Variants in WNT4 observed in about 807,000 individuals in gnomAD.
WNT4 encodes Wnt family member 4, also known as protein Wnt-4.
Under a neutral mutation model 34.5 loss-of-function variants are expected in WNT4, and 16 were observed. The observed-to-expected ratio is 0.46, with a 90% CI of 0.31 to 0.70. The LOEUF (loss-of-function observed/expected upper bound fraction) is 0.70, where lower values mean the gene tolerates loss of function less well. Among genes scored for constraint, WNT4 ranks in the 30% least tolerant of loss-of-function variants. The pLI is 0.04. For synonymous variants in WNT4, 200 were observed against 211.9 expected, an observed-to-expected ratio of 0.94 and a Z score of 0.49; for missense variants, 379 against 495.9, an observed-to-expected ratio of 0.76 and a Z score of 2.24.
Position 22,142,706 on chromosome 1 carries a change from A to G in WNT4, c.77+140T>C. On this transcript the variant is annotated intron_variant, in intron 1 of 4. Coordinates refer to ENST00000290167, the MANE Select transcript of WNT4 (RefSeq NM_030761.5). The surrounding 1 kb of genome is among the most constrained non-coding windows in gnomAD (Gnocchi z 6.0). ...GTTCGGGCCGTGGCGGCGGCAGCGG[A>G]GCGAGCGAGCCTCCGGTCCCGCGGC... 4.0e-6 allele frequency: 2 copies of G among 503,420 alleles called. No individual in the cohort carries two copies. The highest frequency in any genetic ancestry group is 5.1e-6 in the Non-Finnish European group (2 of 390,276). 31.2% of individuals were successfully genotyped at this position (503,420 alleles called of 1,614,324 possible).
rs1646084093 is a variant in WNT4 at position 22,142,958 on chromosome 1, T to C, written c.-36A>G. The C allele has an allele frequency of 2.0e-6, 2 of 1,019,324 alleles. No individual in the cohort carries two copies. 63.1% of individuals were successfully genotyped at this position (1,019,324 alleles called of 1,614,324 possible). A position where few individuals can be genotyped will look rare whatever the true frequency, so the allele number is the denominator to read the frequency against. On this transcript the variant is annotated 5_prime_UTR_variant, in exon 1 of 5. Transcript: ENST00000290167. This position sits in a 1 kb window ranked among gnomAD's most constrained non-coding sequence, Gnocchi z 6.0. The stretch of plus-strand genomic sequence containing the variant: ...CGGGCGCCCGGCCCGGGGCAGCGGC[T>C]GCGGCCGCGGGGGGCCTCCCGTCGG...
chr1:22,129,944 T>C, intron 1 of WNT4, 93 bp from the exon 2 acceptor site: 1 of 1,439,660 alleles, frequency 6.9e-7, no homozygotes, highest in Non-Finnish European at 9.7e-7. Flanking sequence ...CTCTGGGAAC[T>C]GACTCGTCCC....
intron 1 of WNT4, among the ~76,000 whole-genome samples, chr1:22,135,869 A>G (rs1646018146): frequency 6.6e-6 from 1 of 152,108 alleles, no homozygotes. Context: ...CTCCACCGCC[A>G]GTGCACACCA....
chr1:22,132,633 C>T (rs1356421466), intron 1 of WNT4, among the ~76,000 whole-genome samples: 1 of 152,188 alleles, frequency 6.6e-6, no homozygotes, highest in East Asian at 1.9e-4. Flanking sequence ...ATCCCCCCAC[C>T]CAGGCTCAGA....
chr1:22,118,868 G>C lies in WNT4; in HGVS notation c.*1182C>G, dbSNP rs1194282455. ...ATCCAGCTTGCTGTGAGAGGTCTGG[G>C]GAGCACTGCCGTCTCTGATGTCAGA... On this transcript the variant is annotated 3_prime_UTR_variant, in exon 5 of 5. Coordinates refer to ENST00000290167, the MANE Select transcript of WNT4 (RefSeq NM_030761.5). 6.6e-6 allele frequency: 1 copy of C among 152,334 alleles called. No homozygotes were observed. Among genetic ancestry groups the C allele is most frequent in the African/African-American group, 2.4e-5 (1 of 41,456 alleles). The allele number at this position is 152,334 out of a possible 1,614,324, so 9.4% of individuals were successfully genotyped here.
intron 1 of WNT4, among the ~76,000 whole-genome samples, chr1:22,131,822 C>G (rs1645985992): frequency 6.6e-6 from 1 of 152,230 alleles, no homozygotes; most frequent in Non-Finnish European, 1.5e-5. Flanking sequence ...AGGGGCCTCC[C>G]CGCCCCTCCT....
In WNT4 at chr1:22,120,055, G is replaced by T; in HGVS notation, c.1051C>A (p.Arg351=). 1 of 1,607,200 alleles carries T rather than the reference G, an allele frequency of 6.2e-7. No homozygotes were observed. The change falls in exon 5 of 5, where the codon CGA becomes AGA. Residue 351 remains arginine, a synonymous_variant. Transcript: ENST00000290167. ...GCGCAGGGCTAGGCAGGCGGTCATC[G>T]GCACGTGTGCAACTCCACGAGCCGC... ...CQRLVELHTC[R] is the part of the protein sequence containing the mutation.
At chr1:22,136,415 G>A (rs1309524625) in intron 1 of WNT4, among the ~76,000 whole-genome samples, 4 of 152,206 alleles carry the variant, frequency 2.6e-5, no homozygotes, top group East Asian at 1.9e-4. Flanking sequence ...TGGGGAAAGA[G>A]GAGGGACAGG....
At position 22,139,092 on chromosome 1, in the gene WNT4, G is replaced by T. The variant is rs1031332573; in HGVS notation, c.77+3754C>A. The stretch of plus-strand genomic sequence containing the variant: ...TGCGGGGGCCCTTGTTGAGCAAGGG[G>T]GTTGCAGCCTAGGATCCTACCTGTG... On this transcript the variant is annotated intron_variant, in intron 1 of 4. Coordinates refer to ENST00000290167, the MANE Select transcript of WNT4 (RefSeq NM_030761.5). The surrounding 1 kb of genome is among the most constrained non-coding windows in gnomAD (Gnocchi z 4.6). Among the ~76,000 whole-genome samples, 6 of 152,188 alleles carry T rather than the reference G, an allele frequency of 3.9e-5. No homozygotes were observed. Among genetic ancestry groups the T allele is most frequent in the Admixed American group, 1.3e-4 (2 of 15,294 alleles).
Position 22,119,777 on chromosome 1 carries a change from G to A in WNT4, c.*273C>T, listed in dbSNP as rs1355869723. On this transcript the variant is annotated 3_prime_UTR_variant, in exon 5 of 5. Coordinates refer to ENST00000290167, the MANE Select transcript of WNT4 (RefSeq NM_030761.5). ...AAAAACGGACACAGATAACAACTGAGTGGTCAGTGGCAGCCACATGCGGGC... is the reference window on the plus strand; with the variant it reads ...AAAAACGGACACAGATAACAACTGAATGGTCAGTGGCAGCCACATGCGGGC... 3 of 558,252 alleles carry A rather than the reference G, an allele frequency of 5.4e-6. No homozygotes were observed. Among genetic ancestry groups the A allele is most frequent in the Non-Finnish European group, 9.7e-6 (3 of 309,734 alleles). 34.6% of individuals were successfully genotyped at this position (558,252 alleles called of 1,614,324 possible). A position where few individuals can be genotyped will look rare whatever the true frequency, so the allele number is the denominator to read the frequency against.
intron 1 of WNT4, among the ~76,000 whole-genome samples, chr1:22,133,034 T>A (rs1645995901): frequency 6.6e-6 from 1 of 152,078 alleles, no homozygotes; most frequent in Non-Finnish European, 1.5e-5. Context: ...ATGAACAAAC[T>A]GAGGCTACGG....
In WNT4 at chr1:22,118,102, T is replaced by A. The variant is rs1054140521; in HGVS notation, c.*1948A>T. The A allele has an allele frequency of 6.6e-6, 1 of 152,254 alleles. No individual in the cohort carries two copies. The highest frequency in any genetic ancestry group is 1.5e-5 in the Non-Finnish European group (1 of 68,076). The allele number at this position is 152,254 out of a possible 1,614,324, so 9.4% of individuals were successfully genotyped here. On this transcript the variant is annotated 3_prime_UTR_variant, in exon 5 of 5. Transcript: ENST00000290167. Reference sequence around the variant, plus strand: ...TTTTGGCTTCCTCCTTGTATGGACATTGAGCAGAGATCTTGGCTGGGGGCC... The same window carrying A: ...TTTTGGCTTCCTCCTTGTATGGACAATGAGCAGAGATCTTGGCTGGGGGCC...
At chr1:22,127,169 G>A (rs931171353) in intron 2 of WNT4, 11 of 409,160 alleles carry the variant, frequency 2.7e-5, no homozygotes, top group Admixed American at 1.3e-4. Context: ...GCTTAGTCTC[G>A]GCACCTTGAC....
chr1:22,121,078 G>T, intron 4 of WNT4, 133 bp downstream of exon 4: 1 of 1,446,920 alleles, frequency 6.9e-7, no homozygotes, highest in Non-Finnish European at 9.3e-7. Flanking sequence ...GAACCCCACT[G>T]GCCTACAGAA....
intron 2 of WNT4, among the ~76,000 whole-genome samples, chr1:22,126,007 A>T (rs1405856891): frequency 5.3e-5 from 8 of 152,190 alleles, no homozygotes; most frequent in African/African-American, 1.9e-4. Flanking sequence ...GTCCTGTTCT[A>T]GGGCTTGGGA....
Position 22,142,364 on chromosome 1 carries a change from G to C in WNT4, c.77+482C>G, listed in dbSNP as rs1012159321. Among the ~76,000 whole-genome samples the C allele has an allele frequency of 2.0e-5, 3 of 151,714 alleles. No individual in the cohort carries two copies. Among genetic ancestry groups the C allele is most frequent in the African/African-American group, 7.2e-5 (3 of 41,398 alleles). Reference sequence around the variant, plus strand: ...CCCAAGCAGAAACAGGTCCCTGCACGCCTCCAGCCCAGCCCGCAGCGCGGC... The same window carrying C: ...CCCAAGCAGAAACAGGTCCCTGCACCCCTCCAGCCCAGCCCGCAGCGCGGC... On this transcript the variant is annotated intron_variant, in intron 1 of 4. Transcript: ENST00000290167. This position sits in a 1 kb window ranked among gnomAD's most constrained non-coding sequence, Gnocchi z 6.0.
At chr1:22,124,793 A>C (rs1175428041) in intron 2 of WNT4, among the ~76,000 whole-genome samples, 2 of 152,168 alleles carry the variant, frequency 1.3e-5, no homozygotes, top group Non-Finnish European at 2.9e-5. Flanking sequence ...GCTGAGTTGG[A>C]CTGGCAATGA....
intron 1 of WNT4, among the ~76,000 whole-genome samples, chr1:22,136,375 C>A (rs2124130560): frequency 6.6e-6 from 1 of 152,298 alleles, no homozygotes; most frequent in East Asian, 1.9e-4. Context: ...ATTGAACTGT[C>A]CTCCCTGCTG....
chr1:22,129,533 T>C, intron 2 of WNT4, 83 bp downstream of exon 2: 1 of 1,455,176 alleles, frequency 6.9e-7, no homozygotes, highest in East Asian at 2.5e-5. Flanking sequence ...AATAGTCCCG[T>C]TGCTCACGAG....
Sources: allele counts gnomAD v4.1 joint callset (sites outside exome capture counted in the v4.1 genomes callset), GRCh38; gene constraint gnomAD v4.1.1; non-coding constraint Gnocchi (gnomAD v3.1); transcripts MANE v1.5; gene names NCBI Gene and HGNC (gene_info 2026-07-23, HGNC 2026-07-21).